DMD: variants seen among roughly 807,000 people sequenced by gnomAD.
The protein encoded by DMD is dystrophin.
In DMD, 63 loss-of-function variants were observed where a neutral mutation model predicts 330.1. The observed-to-expected ratio is 0.19, with a 90% confidence interval of 0.16 to 0.24. DMD has a LOEUF of 0.24. Among genes scored for constraint, DMD ranks in the 10% least tolerant of loss-of-function variants. The probability of loss-of-function intolerance (pLI) is 1.00; values close to 1 mark genes in which losing one functional copy is unlikely to be tolerated. For missense variants in DMD, 3,344 were observed against 2,684.1 expected (o/e 1.25, Z -5.43); for synonymous variants, 1,223 against 959.8 (o/e 1.27, Z -5.07).
intron 43 of DMD, among the ~76,000 whole-genome samples, chrX:32,224,137 T>C (rs1270804433): frequency 1.8e-5 from 2 of 111,476 alleles, no homozygotes; most frequent in Admixed American, 1.9e-4. Context: ...GTATTCCAAA[T>C]AATTTATCCT....
intron 2 of DMD, among the ~76,000 whole-genome samples, chrX:33,008,911 T>C (rs1289230385): frequency 1.2e-5 from 1 of 84,577 alleles, no homozygotes; most frequent in South Asian, 5.5e-4. Flanking sequence ...CACATACTCA[T>C]ATATGTATAT....
intron 60 of DMD, among the ~76,000 whole-genome samples, chrX:31,360,497 A>G (rs190993199): frequency 2.6e-4 from 29 of 112,290 alleles, no homozygotes; most frequent in African/African-American, 7.8e-4. Flanking sequence ...GTACCAACCT[A>G]AATATCATTG....
At chrX:32,745,669 A>C (rs1349259739) in intron 7 of DMD, among the ~76,000 whole-genome samples, 1 of 112,220 alleles carries the variant, frequency 8.9e-6, no homozygotes, top group Non-Finnish European at 1.9e-5. Context: ...TGTTTCTATT[A>C]TTGGTCCAGC....
intron 67 of DMD, among the ~76,000 whole-genome samples, chrX:31,195,449 A>G (rs899185752): frequency 8.9e-6 from 1 of 112,022 alleles, no homozygotes; most frequent in Non-Finnish European, 1.9e-5. Flanking sequence ...TCACATATAC[A>G]TGGTAAAGCA....
chrX:32,919,257 T>C (rs1490108602), intron 2 of DMD, among the ~76,000 whole-genome samples: 2 of 111,836 alleles, frequency 1.8e-5, no homozygotes, highest in Non-Finnish European at 1.9e-5. Context: ...GAGAAGACTA[T>C]GGCAAATAGT....
intron 1 of DMD, among the ~76,000 whole-genome samples, chrX:33,181,432 G>A (rs1300774293): frequency 9.0e-6 from 1 of 111,628 alleles, no homozygotes; most frequent in Non-Finnish European, 1.9e-5. Flanking sequence ...TTATAACACA[G>A]GTAACTATAG....
At chrX:32,866,743 G>GGT (rs2082534232) in intron 2 of DMD, among the ~76,000 whole-genome samples, 2 of 2,248 alleles carry the variant, frequency 8.9e-4, no homozygotes, top group Admixed American at 6.1e-3. Context: ...GTGGGGGGGT[G>GGT]GGGGGGGGGG....
chrX:32,410,775 A>C (rs967228087), intron 30 of DMD, among the ~76,000 whole-genome samples: 4 of 112,532 alleles, frequency 3.6e-5, no homozygotes, highest in African/African-American at 1.3e-4. Flanking sequence ...GTTAATTAAA[A>C]AATGAGAACA....
intron 55 of DMD, among the ~76,000 whole-genome samples, chrX:31,547,277 G>C (rs1217461108): frequency 1.8e-5 from 2 of 112,156 alleles, no homozygotes; most frequent in African/African-American, 6.5e-5. Flanking sequence ...TATTAAAAAT[G>C]AAAGCTGGTT....
intron 44 of DMD, among the ~76,000 whole-genome samples, chrX:32,017,315 G>A (rs781647058): frequency 1.8e-5 from 2 of 112,153 alleles, no homozygotes; most frequent in Non-Finnish European, 3.8e-5. Context: ...CAAGGTAAGG[G>A]AGATAAAAGA....
At chrX:32,280,165 GTATATA>G (rs201359021) in intron 43 of DMD, among the ~76,000 whole-genome samples, 6 of 22,187 alleles carry the variant, frequency 2.7e-4, no homozygotes, top group African/African-American at 6.4e-4. Flanking sequence ...TATATATACA[GTATATA>G]TATATATATA....
intron 44 of DMD, among the ~76,000 whole-genome samples, chrX:31,988,922 T>C (rs762395655): frequency 3.6e-5 from 4 of 111,541 alleles, no homozygotes; most frequent in Non-Finnish European, 5.6e-5. Flanking sequence ...ATGTAGTTCC[T>C]GTCTGAGTCC....
chrX:31,554,600 T>C (rs1248649473), intron 55 of DMD, among the ~76,000 whole-genome samples: 1 of 111,890 alleles, frequency 8.9e-6, no homozygotes, highest in African/African-American at 3.2e-5. Flanking sequence ...ACATAAAATA[T>C]ATTATTATTT....
intron 1 of DMD, among the ~76,000 whole-genome samples, chrX:33,258,960 C>A (rs759402116): frequency 9.0e-6 from 1 of 110,787 alleles, no homozygotes; most frequent in South Asian, 3.8e-4. Context: ...CAGAGTAATA[C>A]CAGGCTGAAT....
At chrX:32,622,503 G>C (rs947159067) in intron 11 of DMD, among the ~76,000 whole-genome samples, 2 of 111,711 alleles carry the variant, frequency 1.8e-5, no homozygotes, top group Non-Finnish European at 3.8e-5. Context: ...TGAGATATTA[G>C]CTACAAATAT....
chrX:32,866,450 A>T (rs937644239), intron 2 of DMD, among the ~76,000 whole-genome samples: 1 of 111,482 alleles, frequency 9.0e-6, no homozygotes, highest in South Asian at 3.7e-4. Flanking sequence ...CATTATAAAG[A>T]TATTTATAAA....
chrX:31,482,701 A>T (rs970219139), intron 57 of DMD, among the ~76,000 whole-genome samples: 1 of 111,993 alleles, frequency 8.9e-6, no homozygotes, highest in African/African-American at 3.2e-5. Flanking sequence ...TGAAAATCAA[A>T]TGTTCAATTT....
chrX:32,462,436 G>T (rs1349092622), intron 25 of DMD, among the ~76,000 whole-genome samples: 1 of 111,699 alleles, frequency 9.0e-6, no homozygotes, highest in African/African-American at 3.2e-5. Context: ...AGTATTCATT[G>T]CTTTAGTTCA....
chrX:31,413,787 G>A (rs899187644), intron 60 of DMD, among the ~76,000 whole-genome samples: 1 of 109,090 alleles, frequency 9.2e-6, no homozygotes, highest in African/African-American at 3.3e-5. Context: ...GAGCAGCCAC[G>A]TAAAAGGCAC....
Sources: allele counts gnomAD v4.1 joint callset (sites outside exome capture counted in the v4.1 genomes callset), GRCh38; gene constraint gnomAD v4.1.1; transcripts MANE v1.5; gene names NCBI Gene and HGNC (gene_info 2026-07-23, HGNC 2026-07-21).